Variants in SNX13 observed in about 807,000 individuals in gnomAD.
The protein encoded by SNX13 is sorting nexin-13.
Under a neutral mutation model 133.6 loss-of-function variants are expected in SNX13, and 45 were observed. The ratio of observed to expected loss-of-function variants is 0.34; its 90% confidence interval spans 0.27 to 0.43. SNX13 has a LOEUF of 0.43. SNX13 is among the 20% of genes least tolerant of loss of function. The probability of loss-of-function intolerance (pLI) is 1.00; values close to 1 mark genes in which losing one functional copy is unlikely to be tolerated. For synonymous variants in SNX13, 414 were observed against 373.9 expected (o/e 1.11, Z -1.24); for missense variants, 1,032 against 1,145.1 (o/e 0.90, Z 1.43).
rs751681369 is a variant in SNX13, at chr7:17,821,597, T to A, written c.1757A>T (p.His586Leu). The stretch of plus-strand genomic sequence containing the variant: ...CTCCTCACTGTTTAGGTTGCGCCGG[T>A]GTACAGTGATGGCATATAATGCATA... ...KTYALYAITV[H>L]RRNLNSEEMW... Residue 586 changes from histidine to leucine, a missense_variant, in exon 18 of 26, where the codon CAC becomes CTC. By Grantham distance (99) the His-to-Leu change is moderately conservative (BLOSUM62 -3). Transcript: ENST00000428135. 32 of 1,613,556 alleles carry A rather than the reference T, an allele frequency of 2.0e-5. No individual in the cohort carries two copies. Among genetic ancestry groups the A allele is most frequent in the Non-Finnish European group, 2.5e-5 (30 of 1,179,700 alleles).
chr7:17,844,927 A>C (rs1474432200), intron 12 of SNX13, among the ~76,000 whole-genome samples: 2 of 152,092 alleles, frequency 1.3e-5, no homozygotes, highest in East Asian at 3.8e-4. Context: ...AAAATCCCAC[A>C]GTGAATAATA....
At chr7:17,875,919 A>G (rs1449205689) in intron 5 of SNX13, 129 bp from the exon 6 acceptor site, 1 of 739,154 alleles carries the variant, frequency 1.4e-6, no homozygotes, top group Non-Finnish European at 2.1e-6. Context: ...ATTTTCATTC[A>G]TTATTACCTG....
chr7:17,801,417 T>C (rs1262206604), intron 22 of SNX13, among the ~76,000 whole-genome samples, 171 bp downstream of exon 22: 1 of 151,870 alleles, frequency 6.6e-6, no homozygotes, highest in Non-Finnish European at 1.5e-5. Flanking sequence ...ATAATCTTAT[T>C]TTTTGATTAG....
chr7:17,900,351 C>T (rs1004660481), intron 1 of SNX13: 1 of 152,322 alleles, frequency 6.6e-6, no homozygotes, highest in Non-Finnish European at 1.5e-5. Context: ...TAGGACTCTA[C>T]AATCTACAGG....
chr7:17,838,931 T>C (rs947302110), intron 13 of SNX13, among the ~76,000 whole-genome samples: 3 of 151,136 alleles, frequency 2.0e-5, no homozygotes, highest in African/African-American at 7.3e-5. Context: ...AAATAGTCTA[T>C]AGAATAATAT....
intron 1 of SNX13, among the ~76,000 whole-genome samples, chr7:17,937,634 TA>T (rs983822252): frequency 9.3e-5 from 14 of 150,876 alleles, no homozygotes; most frequent in East Asian, 5.8e-4. Flanking sequence ...TCACCTTGGT[TA>T]AAAAAAAATA....
At chr7:17,794,404 A>G in intron 25 of SNX13, 112 bp from the exon 26 acceptor site, 2 of 1,297,838 alleles carry the variant, frequency 1.5e-6, no homozygotes, top group Non-Finnish European at 1.0e-6. Context: ...AACAGTAGGT[A>G]ACCAGTTAAT....
chr7:17,913,379 T>TCACCCTCACCAAAGGTGAGCA (rs752833241), intron 1 of SNX13, among the ~76,000 whole-genome samples: 28 of 152,206 alleles, frequency 1.8e-4, no homozygotes, highest in Admixed American at 1.4e-3. Flanking sequence ...TCCAGAAGCT[T>TCACCCTCACCAAAGGTGAGCA]CACCCTCACC....
intron 9 of SNX13, among the ~76,000 whole-genome samples, chr7:17,854,492 A>G (rs950377761): frequency 9.2e-5 from 14 of 152,224 alleles, no homozygotes; most frequent in African/African-American, 3.4e-4. Flanking sequence ...GAAGTTTTCT[A>G]GCAACGCTGT....
intron 1 of SNX13, among the ~76,000 whole-genome samples, chr7:17,910,182 T>TA (rs1250690274): frequency 6.6e-6 from 1 of 152,174 alleles, no homozygotes; most frequent in Non-Finnish European, 1.5e-5. Flanking sequence ...GTGCAATAAA[T>TA]AGACTGATAT....
At chr7:17,910,972 T>C (rs574520530) in intron 1 of SNX13, among the ~76,000 whole-genome samples, 8 of 152,340 alleles carry the variant, frequency 5.3e-5, no homozygotes, top group Admixed American at 5.2e-4. Flanking sequence ...GAGGTGGTGG[T>C]TGCATACCAT....
chr7:17,850,318 A>G (rs1329904169), intron 11 of SNX13, 29 bp downstream of exon 11: 2 of 1,458,586 alleles, frequency 1.4e-6, no homozygotes, highest in Admixed American at 2.0e-5. Context: ...ATTTATAACT[A>G]AACGTTAATT....
intron 2 of SNX13, among the ~76,000 whole-genome samples, chr7:17,894,461 T>C (rs1562484188): frequency 1.3e-5 from 2 of 151,878 alleles, no homozygotes; most frequent in South Asian, 2.1e-4. Flanking sequence ...CCAGTATGAA[T>C]ACAGAATACA....
intron 17 of SNX13, among the ~76,000 whole-genome samples, chr7:17,821,915 G>C (rs1787340696): frequency 3.3e-5 from 5 of 151,970 alleles, no homozygotes; most frequent in Admixed American, 2.6e-4. Flanking sequence ...TCACAAAGCG[G>C]TACCTATTAC....
At chr7:17,832,580 C>G (rs548072075) in intron 15 of SNX13, 1 of 678,810 alleles carries the variant, frequency 1.5e-6, no homozygotes, top group Admixed American at 6.3e-5. Flanking sequence ...GACAGAGCTG[C>G]TATTGCAAAT....
chr7:17,934,725 T>A (rs1243785019), intron 1 of SNX13, among the ~76,000 whole-genome samples: 1 of 152,188 alleles, frequency 6.6e-6, no homozygotes, highest in Non-Finnish European at 1.5e-5. Flanking sequence ...GGCAAAGGGC[T>A]TGAATAGACA....
intron 1 of SNX13, 93 bp from the exon 2 acceptor site, chr7:17,897,539 C>T: frequency 1.5e-6 from 1 of 655,800 alleles, no homozygotes; most frequent in Non-Finnish European, 2.4e-6. Context: ...TTTTAAATTT[C>T]TTCTTGTAAA....
At chr7:17,832,441 T>C (rs922334985) in intron 15 of SNX13, 1 of 984,590 alleles carries the variant, frequency 1.0e-6, no homozygotes, top group Non-Finnish European at 1.2e-6. Flanking sequence ...TATTTGGTTA[T>C]GACTTTGTCT....
chr7:17,864,921 G>C (rs1369578983), intron 9 of SNX13, among the ~76,000 whole-genome samples: 1 of 152,072 alleles, frequency 6.6e-6, no homozygotes, highest in Admixed American at 6.6e-5. Context: ...AACCTTACAG[G>C]CCAGGAGGGA....
Sources: gnomAD v4.1 joint callset for allele counts (sites outside exome capture counted in the v4.1 genomes callset) on GRCh38, gnomAD v4.1.1 for gene constraint, MANE v1.5 for transcripts, NCBI Gene and HGNC (gene_info 2026-07-23, HGNC 2026-07-21) for gene names.